The following DNM1L variants were observed in gnomAD, a reference collection of about 807,000 sequenced individuals.
DNM1L encodes dynamin 1L.
A neutral mutation model predicts 92.8 loss-of-function variants in DNM1L; 33 were observed. The observed-to-expected ratio is 0.36, with a 90% CI of 0.27 to 0.48. The LOEUF (loss-of-function observed/expected upper bound fraction) is 0.48, where lower values mean the gene tolerates loss of function less well. Among genes scored for constraint, DNM1L ranks in the 20% least tolerant of loss-of-function variants. The probability of loss-of-function intolerance (pLI) is 0.99; values close to 1 mark genes in which losing one functional copy is unlikely to be tolerated. For synonymous variants in DNM1L, 284 were observed against 305.0 expected (o/e 0.93, Z 0.72); for missense variants, 485 against 888.8 (o/e 0.55, Z 5.78).
chr12:32,717,911 AT>A (rs1953577994), intron 6 of DNM1L, among the ~76,000 whole-genome samples: 2 of 81,678 alleles, frequency 2.4e-5, no homozygotes, highest in Non-Finnish European at 4.5e-5. Flanking sequence ...TAGTATATAT[AT>A]AAAATATAGT....
chr12:32,718,827 C>T, intron 7 of DNM1L, 64 bp downstream of exon 7: 1 of 1,592,760 alleles, frequency 6.3e-7, no homozygotes, highest in Non-Finnish European at 8.6e-7. Context: ...AGCATTCTCA[C>T]TTCAGAGCAA....
chr12:32,721,791 C>A lies in DNM1L; in HGVS notation c.873-636C>A, dbSNP rs149938025. Among the ~76,000 whole-genome samples the A allele has an allele frequency of 2.6e-5, 4 of 152,262 alleles. No individual in the cohort carries two copies. The East Asian group carries it at 5.8e-4, about 22-fold the overall frequency. On this transcript the variant is annotated intron_variant, in intron 8 of 19. Coordinates refer to ENST00000549701, the MANE Select transcript of DNM1L (RefSeq NM_012062.5). ...CACAGGTTGTAGCCTGTGTTTCTGACTGACAGGCTATAAGTCAGGGTACCC... is the reference window on the plus strand; with the variant it reads ...CACAGGTTGTAGCCTGTGTTTCTGAATGACAGGCTATAAGTCAGGGTACCC...
At chr12:32,702,220 T>G (rs1463031311) in intron 2 of DNM1L, among the ~76,000 whole-genome samples, 1 of 118,298 alleles carries the variant, frequency 8.5e-6, no homozygotes, top group Non-Finnish European at 1.6e-5. Flanking sequence ...GGCGACAGAG[T>G]GAGACTCCGT....
At position 32,679,325 on chromosome 12, in the gene DNM1L, C is replaced by T. The variant is rs767523355; in HGVS notation, c.-39C>T. On this transcript the variant is annotated 5_prime_UTR_variant, in exon 1 of 20. Coordinates refer to ENST00000549701, the MANE Select transcript of DNM1L (RefSeq NM_012062.5). ...TGTGGGCCCCGGCCCCATTCATTGC[C>T]GTGGCCGGCGGGCACTGGGGCCCCG... is the stretch of plus-strand genomic sequence containing the variant. 17 of 1,417,540 alleles carry T rather than the reference C, an allele frequency of 1.2e-5. No homozygotes were observed. Among genetic ancestry groups the T allele is most frequent in the Non-Finnish European group, 5.0e-6 (5 of 1,005,782 alleles). The allele number at this position is 1,417,540 out of a possible 1,614,324, so 87.8% of individuals were successfully genotyped here.
chr12:32,731,117 G>A lies in DNM1L; in HGVS notation c.1183G>A (p.Ala395Thr). The A allele has an allele frequency of 6.2e-7, 1 of 1,613,912 alleles. No homozygotes were observed. Among genetic ancestry groups the A allele is most frequent in the Non-Finnish European group, 8.5e-7 (1 of 1,179,984 alleles). Reference protein sequence around the residue: ...GGLNTIDILTAIRNATGPRPA... With the variant: ...GGLNTIDILTTIRNATGPRPA... ...CCTTAACACTATTGACATTTTGACT[G>A]CCATTAGAAATGCTACTGTGAGTAT... The change falls in exon 10 of 20, where the codon GCC (alanine) becomes ACC (threonine). Residue 395 changes from alanine (A) to threonine (T), a missense_variant. Around this residue, in one of 11 missense-constraint regions of DNM1L, gnomAD observed 19 missense variants for 22.1 expected, o/e 0.86. Transcript: ENST00000549701. This position sits in a 1 kb window ranked among gnomAD's most constrained non-coding sequence, Gnocchi z 5.1.
chr12:32,743,795 C>A lies in DNM1L; in HGVS notation c.*385C>A. The stretch of plus-strand genomic sequence containing the variant: ...GCCATAGTCCTCCAAGAAGAAAGCA[C>A]CAAGACAACATTTCATATGACTATA... On this transcript the variant is annotated 3_prime_UTR_variant, in exon 20 of 20. Coordinates refer to ENST00000549701, the MANE Select transcript of DNM1L (RefSeq NM_012062.5). The A allele has an allele frequency of 8.5e-6, 2 of 236,098 alleles. No individual in the cohort carries two copies. The highest frequency in any genetic ancestry group is 6.8e-5 in the South Asian group (1 of 14,646). The allele number at this position is 236,098 out of a possible 1,614,324, so 14.6% of individuals were successfully genotyped here.
chr12:32,731,322 T>A lies in DNM1L; in HGVS notation c.1201-34T>A, dbSNP rs768358466. 1.2e-5 allele frequency: 20 copies of A among 1,612,954 alleles called. No homozygotes were observed. The highest frequency in any genetic ancestry group is 1.7e-5 in the Admixed American group (1 of 59,896). ...ACCCTTGGGAAGAACTGAAATTACA[T>A]ATATAATAAGAGTTCTAAGTTTTAT... On this transcript the variant is annotated intron_variant, in intron 10 of 19. Transcript: ENST00000549701. This position sits in a 1 kb window ranked among gnomAD's most constrained non-coding sequence, Gnocchi z 5.1.
chr12:32,719,491 G>T (rs1953707969), intron 7 of DNM1L, among the ~76,000 whole-genome samples: 1 of 152,174 alleles, frequency 6.6e-6, no homozygotes, highest in African/African-American at 2.4e-5. Flanking sequence ...TTGCCAGGAT[G>T]TGACTTGGAG....
chr12:32,686,378 A>G (rs1952014518), intron 1 of DNM1L, among the ~76,000 whole-genome samples: 1 of 152,148 alleles, frequency 6.6e-6, no homozygotes, highest in African/African-American at 2.4e-5. Context: ...TGTATAATTC[A>G]GTGTCATTTA....
Position 32,689,707 on chromosome 12 carries a change from G to C in DNM1L, c.102+10242G>C, listed in dbSNP as rs192196981. ...TTACACAATGAAAAATTAAAACTTA[G>C]AAGTTGAATAAGGGATCAGCTTTGG... On this transcript the variant is annotated intron_variant, in intron 1 of 19. Coordinates refer to ENST00000549701, the MANE Select transcript of DNM1L (RefSeq NM_012062.5). 1.6e-3 allele frequency among the ~76,000 whole-genome samples: 241 copies of C among 152,226 alleles called. 2 individuals are homozygous for C. Among genetic ancestry groups the C allele is most frequent in the African/African-American group, 5.3e-3 (222 of 41,534 alleles).
In DNM1L at chr12:32,720,720, A is replaced by G; in HGVS notation, c.797A>G (p.Tyr266Cys). 2 of 1,613,968 alleles carry G rather than the reference A, an allele frequency of 1.2e-6. No homozygotes were observed. The highest frequency in any genetic ancestry group is 1.7e-6 in the Non-Finnish European group (2 of 1,179,918). Residue 266 changes from tyrosine (Y) to cysteine (C), a missense_variant, in exon 8 of 20, where the codon TAT becomes TGT. Tyr to Cys is a radical substitution (Grantham distance 194). This residue lies in a region of DNM1L where 159 missense variants were observed against 275.9 expected (regional missense o/e 0.58). Coordinates refer to ENST00000549701, the MANE Select transcript of DNM1L (RefSeq NM_012062.5). The part of the protein sequence containing the change: ...KSVTDSIRDE[Y>C]AFLQKKYPSL... ...GTAACTGATTCAATCCGTGATGAGTATGCTTTTCTTCAAAAGAAATATCCA... is the reference window on the plus strand; with the variant it reads ...GTAACTGATTCAATCCGTGATGAGTGTGCTTTTCTTCAAAAGAAATATCCA...
chr12:32,691,312 C>T (rs1176170035), intron 1 of DNM1L, among the ~76,000 whole-genome samples: 2 of 152,136 alleles, frequency 1.3e-5, no homozygotes, highest in Non-Finnish European at 2.9e-5. Context: ...GATCTCGGCT[C>T]ACTGTAACCT....
chr12:32,707,195 A>C, intron 2 of DNM1L, 172 bp from the exon 3 acceptor site: 1 of 515,076 alleles, frequency 1.9e-6, no homozygotes, highest in South Asian at 3.6e-5. Flanking sequence ...TTAGCAGAAA[A>C]TACAATTTTA....
At position 32,742,888 on chromosome 12, in the gene DNM1L, C is replaced by CTTT. The variant is rs36039451; in HGVS notation, c.2154+163_2154+165dup. 7.2e-3 allele frequency: 1,788 copies of CTTT among 248,238 alleles called. 120 individuals are homozygous for CTTT. Among genetic ancestry groups the CTTT allele is most frequent in the African/African-American group, 0.049 (1,053 of 21,474 alleles). The allele number at this position is 248,238 out of a possible 1,614,324, so 15.4% of individuals were successfully genotyped here. On this transcript the variant is annotated intron_variant, in intron 19 of 19. Coordinates refer to ENST00000549701, the MANE Select transcript of DNM1L (RefSeq NM_012062.5). ...TTTCCTGTTGGTACTTGATAAGAAT[C>CTTT]TTTTTTTTTTTTTTTTTTTTTTTTT...
intron 3 of DNM1L, 90 bp downstream of exon 3, chr12:32,707,503 T>TA (rs1302701501): frequency 5.4e-6 from 5 of 921,120 alleles, no homozygotes; most frequent in Non-Finnish European, 6.5e-6. Context: ...CATTGGCAAT[T>TA]ACGTTATTTT....
intron 1 of DNM1L, among the ~76,000 whole-genome samples, chr12:32,699,270 C>G (rs1028062417): frequency 1.3e-5 from 2 of 152,082 alleles, no homozygotes; most frequent in East Asian, 1.9e-4. Context: ...TTCACTGTTA[C>G]CGTTCTTGCA....
At chr12:32,733,847 A>G in intron 13 of DNM1L, 40 bp downstream of exon 13, 1 of 1,569,312 alleles carries the variant, frequency 6.4e-7, no homozygotes, top group Non-Finnish European at 8.8e-7. Flanking sequence ...AGGTAGAAAA[A>G]TCTGTTGTAA....
chr12:32,710,789 C>A, intron 4 of DNM1L, 140 bp from the exon 5 acceptor site: 1 of 664,050 alleles, frequency 1.5e-6, no homozygotes, highest in Non-Finnish European at 2.5e-6. Flanking sequence ...TGTGTTTCAT[C>A]AGGTTTTGAT....
intron 6 of DNM1L, among the ~76,000 whole-genome samples, chr12:32,715,592 C>T (rs1011095992): frequency 3.3e-5 from 5 of 151,922 alleles, no homozygotes; most frequent in Non-Finnish European, 7.4e-5. Flanking sequence ...ATTAGCCAGG[C>T]ATGGTGGTGC....
Sources: gnomAD v4.1 joint callset for allele counts (sites outside exome capture counted in the v4.1 genomes callset) on GRCh38, gnomAD v4.1.1 for gene constraint, gnomAD v4.1.1 regional missense constraint, Gnocchi (gnomAD v3.1) non-coding constraint, MANE v1.5 for transcripts, NCBI Gene and HGNC (gene_info 2026-07-23, HGNC 2026-07-21) for gene names.